The following CATSPERT variants were observed in gnomAD, a reference collection of about 807,000 sequenced individuals.
CATSPERT encodes the protein catsper channel auxiliary subunit tau.
At chr2:201,495,981 AG>A in the CATSPERT span, 1 of 1,521,130 alleles carries the variant, frequency 6.6e-7, no homozygotes, top group Non-Finnish European at 9.1e-7. Flanking sequence ...TTATAAAAAA[AG>A]AAGTTCTAAT....
chr2:201,499,585 G>A, the CATSPERT span, among the ~76,000 whole-genome samples: 1 of 152,022 alleles, frequency 6.6e-6, no homozygotes, highest in Admixed American at 6.5e-5. Context: ...TGTAATCCCA[G>A]CACTTTGGGA....
chr2:201,615,041 C>T, the CATSPERT span, among the ~76,000 whole-genome samples: 39 of 152,118 alleles, frequency 2.6e-4, no homozygotes, highest in African/African-American at 8.4e-4. Context: ...TATAGGAGCA[C>T]CCAGATTCAT....
chr2:201,594,449 T>G, the CATSPERT span, among the ~76,000 whole-genome samples: 1 of 152,202 alleles, frequency 6.6e-6, no homozygotes, highest in Non-Finnish European at 1.5e-5. Flanking sequence ...ATCTGACCAT[T>G]ATGTGTCTTG....
At chr2:201,495,763 C>T in the CATSPERT span, 5 of 378,332 alleles carry the variant, frequency 1.3e-5, no homozygotes, top group South Asian at 2.4e-4. Flanking sequence ...CAGAAGTGGA[C>T]CTGGGAATGT....
At chr2:201,539,363 C>A in the CATSPERT span, among the ~76,000 whole-genome samples, 3 of 152,064 alleles carry the variant, frequency 2.0e-5, no homozygotes, top group Non-Finnish European at 4.4e-5. Flanking sequence ...GCCATTCTGA[C>A]TGGTGTGAGA....
chr2:201,501,318 C>T, the CATSPERT span, among the ~76,000 whole-genome samples: 2 of 148,712 alleles, frequency 1.3e-5, no homozygotes, highest in East Asian at 4.0e-4. Context: ...TTGCTTGAAC[C>T]CAGGAGGTGG....
chr2:201,535,327 T>C, the CATSPERT span: 1 of 983,474 alleles, frequency 1.0e-6, no homozygotes, highest in Non-Finnish European at 1.2e-6. Flanking sequence ...TATCTTTTTA[T>C]ACCATTTGAT....
chr2:201,541,533 A>T, the CATSPERT span, among the ~76,000 whole-genome samples: 4 of 998 alleles, frequency 4.0e-3, no homozygotes, highest in African/African-American at 6.8e-3. Context: ...AGATGATTTT[A>T]TATATATATA....
the CATSPERT span, chr2:201,491,411 A>G: frequency 6.5e-7 from 1 of 1,537,150 alleles, no homozygotes; most frequent in Non-Finnish European, 8.7e-7. Context: ...TATTGGAATG[A>G]CTGTATTTCA....
the CATSPERT span, among the ~76,000 whole-genome samples, chr2:201,538,460 G>C: frequency 3.3e-5 from 5 of 152,162 alleles, no homozygotes; most frequent in East Asian, 9.7e-4. Flanking sequence ...ACCTTGCGTT[G>C]AGCAAGACTA....
At chr2:201,618,633 C>G in the CATSPERT span, among the ~76,000 whole-genome samples, 1 of 151,166 alleles carries the variant, frequency 6.6e-6, no homozygotes, top group Non-Finnish European at 1.5e-5. Flanking sequence ...GGGTGCAGCA[C>G]ACCAACATGG....
chr2:201,529,112 T>C, the CATSPERT span, among the ~76,000 whole-genome samples: 2 of 151,992 alleles, frequency 1.3e-5, no homozygotes, highest in East Asian at 1.9e-4. Context: ...TAAAAACAAA[T>C]GGAAAGATAG....
At chr2:201,588,080 A>T in the CATSPERT span, among the ~76,000 whole-genome samples, 1 of 152,116 alleles carries the variant, frequency 6.6e-6, no homozygotes, top group Non-Finnish European at 1.5e-5. Context: ...AAGAAGAGCT[A>T]GTACCATTCC....
the CATSPERT span, among the ~76,000 whole-genome samples, chr2:201,526,535 CA>C: frequency 1.3e-5 from 2 of 151,970 alleles, no homozygotes; most frequent in African/African-American, 4.8e-5. Flanking sequence ...AAAAACCTAG[CA>C]AACCAAATCC....
chr2:201,592,800 G>T, the CATSPERT span, among the ~76,000 whole-genome samples: 11 of 152,118 alleles, frequency 7.2e-5, no homozygotes, highest in South Asian at 4.2e-4. Flanking sequence ...TGATGGTAGT[G>T]TGTATTTCTG....
chr2:201,536,104 T>G, the CATSPERT span: 81 of 1,613,370 alleles, frequency 5.0e-5, no homozygotes, highest in Non-Finnish European at 6.9e-5. Context: ...ACATTTTTCA[T>G]TTTTCTGTCT....
the CATSPERT span, among the ~76,000 whole-genome samples, chr2:201,510,316 C>T: frequency 2.8e-5 from 4 of 143,182 alleles, no homozygotes; most frequent in African/African-American, 9.1e-5. Flanking sequence ...TGGTGGTGTG[C>T]GCCTATAGTC....
the CATSPERT span, among the ~76,000 whole-genome samples, chr2:201,563,419 GACCCCC>G: frequency 1.9e-5 from 2 of 105,008 alleles, no homozygotes; most frequent in Non-Finnish European, 2.0e-5. Context: ...GCGGGGGGCT[GACCCCC>G]TCACCTCCCT....
the CATSPERT span, chr2:201,582,193 G>A: frequency 3.1e-5 from 50 of 1,597,066 alleles, 1 homozygote; most frequent in Admixed American, 2.5e-4. Context: ...ATATTATTCC[G>A]CTTATCATCA....
Sources: gnomAD v4.1 joint callset for allele counts (sites outside exome capture counted in the v4.1 genomes callset) on GRCh38, gnomAD v4.1.1 for gene constraint, MANE v1.5 for transcripts, NCBI Gene and HGNC (gene_info 2026-07-23, HGNC 2026-07-21) for gene names.